Variants in MZF1 observed in about 807,000 individuals in gnomAD.
The protein encoded by MZF1 is zinc finger and SCAN domain-containing protein 6.
A neutral mutation model predicts 28.6 loss-of-function variants in MZF1; 24 were observed. The observed-to-expected ratio is 0.84, with a 90% CI of 0.61 to 1.18. MZF1 has a LOEUF of 1.18. MZF1 is among the 50% of genes most tolerant of loss of function. The probability of loss-of-function intolerance (pLI) is 0.00; values close to 1 mark genes in which losing one functional copy is unlikely to be tolerated. For synonymous variants in MZF1, 516 were observed against 432.5 expected, an observed-to-expected ratio of 1.19 and a Z score of -2.40; for missense variants, 1,166 against 1,026.4, an observed-to-expected ratio of 1.14 and a Z score of -1.86.
rs554401714 is a variant in MZF1 at position 58,564,726 on chromosome 19, C to T, written c.773-1222G>A. Reference sequence around the variant, plus strand: ...GTACTTCTTCAACAGTTGTGTTCCTCCTTGTACTAAGTGACCTACATACAA... The same window carrying T: ...GTACTTCTTCAACAGTTGTGTTCCTTCTTGTACTAAGTGACCTACATACAA... On this transcript the variant is annotated intron_variant, in intron 5 of 5. Coordinates refer to ENST00000215057, the MANE Select transcript of MZF1 (RefSeq NM_198055.2). 6 of 152,218 alleles carry T rather than the reference C, an allele frequency of 3.9e-5. No homozygotes were observed. The South Asian group carries it at 1.2e-3, about 32-fold the overall frequency. 9.4% of individuals were successfully genotyped at this position (152,218 alleles called of 1,614,324 possible).
In MZF1 at chr19:58,562,014, A is replaced by C; in HGVS notation, c.*58T>G. The C allele has an allele frequency of 6.7e-7, 1 of 1,502,164 alleles. No homozygotes were observed. The highest frequency in any genetic ancestry group is 2.0e-4 in the Middle Eastern group (1 of 4,886). The allele number at this position is 1,502,164 out of a possible 1,614,324, so 93.1% of individuals were successfully genotyped here. On this transcript the variant is annotated 3_prime_UTR_variant, in exon 6 of 6. Coordinates refer to ENST00000215057, the MANE Select transcript of MZF1 (RefSeq NM_198055.2). ...ATACTTATGTAATCGCCAGCCTCAC[A>C]ATAACCAGGGGAGGTAGGTGTTCTG...
chr19:58,571,611 C>G (rs571677243), intron 1 of MZF1, 182 bp from the exon 2 acceptor site: 1 of 593,372 alleles, frequency 1.7e-6, no homozygotes, highest in Non-Finnish European at 2.9e-6. Context: ...CCTTAGCCAC[C>G]TGTATCCCTG....
At position 58,570,513 on chromosome 19, in the gene MZF1, C is replaced by T. The variant is rs1044520183; in HGVS notation, c.411G>A (p.Val137=). The part of the protein sequence containing the change: ...GGPRRWVTVQ[V]QGQEVLSEKM... ...TCTCTGATAGGACCTCCTGGCCCTG[C>T]ACCTGGACTGTGACCTGGGGAGGTG... Residue 137 remains valine (V), a synonymous_variant, in exon 3 of 6, where the codon GTG becomes GTA. Transcript: ENST00000215057. 1 of 1,612,704 alleles carries T rather than the reference C, an allele frequency of 6.2e-7. No homozygotes were observed. The highest frequency in any genetic ancestry group is 8.5e-7 in the Non-Finnish European group (1 of 1,179,258).
intron 1 of MZF1, chr19:58,572,442 G>T: frequency 1.2e-6 from 1 of 852,904 alleles, no homozygotes; most frequent in Non-Finnish European, 1.7e-6. Flanking sequence ...AAGGCTCCAA[G>T]ACTGCCGGAA....
At chr19:58,569,097 C>G (rs1600106273) in intron 5 of MZF1, 180 bp downstream of exon 5, 2 of 785,496 alleles carry the variant, frequency 2.5e-6, no homozygotes. Context: ...TGGTGGGTGG[C>G]TTTTTTTGAG....
chr19:58,565,811 CGTGACGTGCCG>C, intron 5 of MZF1, among the ~76,000 whole-genome samples: 1 of 143,508 alleles, frequency 7.0e-6, no homozygotes, highest in African/African-American at 2.6e-5. Context: ...GGATTACAGG[CGTGACGTGCCG>C]CGCCGGGCCC....
rs2053932940 is a variant in MZF1 at position 58,561,973 on chromosome 19, C to T, written c.*99G>A. The T allele has an allele frequency of 4.7e-6, 6 of 1,286,048 alleles. No individual in the cohort carries two copies. Among genetic ancestry groups the T allele is most frequent in the Non-Finnish European group, 6.4e-6 (6 of 943,736 alleles). The allele number at this position is 1,286,048 out of a possible 1,614,324, so 79.7% of individuals were successfully genotyped here. A position where few individuals can be genotyped will look rare whatever the true frequency, so the allele number is the denominator to read the frequency against. On this transcript the variant is annotated 3_prime_UTR_variant, in exon 6 of 6. Coordinates refer to ENST00000215057, the MANE Select transcript of MZF1 (RefSeq NM_198055.2). ...ATTGGACACCTACAGTAGCCAAGCC[C>T]TGGGCGGACCTGCTTATACTTATGT...
Position 58,565,996 on chromosome 19 carries a change from C to A in MZF1, c.773-2492G>T, listed in dbSNP as rs537107371. Among the ~76,000 whole-genome samples, 36 of 151,244 alleles carry A rather than the reference C, an allele frequency of 2.4e-4. No individual in the cohort carries two copies. The East Asian group carries it at 5.5e-3, about 23-fold the overall frequency. On this transcript the variant is annotated intron_variant, in intron 5 of 5. Transcript: ENST00000215057. The stretch of plus-strand genomic sequence containing the variant: ...TCTACTAAAAATACAAAATATTTAG[C>A]CAGGCGTGGTGGCCGGCGCCTGTAG...
In MZF1 at chr19:58,562,414, G is replaced by A. The variant is rs767451587; in HGVS notation, c.1863C>T (p.Gly621=). The stretch of plus-strand genomic sequence containing the variant: ...ACTCACCGCAGTGGTAGGGCTTTTC[G>A]CCGGTGTGTGTCCTCTGATGACGCG... ...KLTRHQRTHT[G]EKPYHCGECG... Residue 621 remains glycine, a synonymous_variant, in exon 6 of 6, where the codon GGC becomes GGT. Transcript: ENST00000215057. The A allele has an allele frequency of 2.0e-5, 33 of 1,609,778 alleles. No homozygotes were observed. The highest frequency in any genetic ancestry group is 2.8e-5 in the Non-Finnish European group (33 of 1,178,462).
chr19:58,569,298 C>T lies in MZF1; in HGVS notation c.751G>A (p.Ala251Thr). 1 of 1,607,640 alleles carries T rather than the reference C, an allele frequency of 6.2e-7. No individual in the cohort carries two copies. The highest frequency in any genetic ancestry group is 8.5e-7 in the Non-Finnish European group (1 of 1,177,302). Residue 251 changes from alanine to threonine, a missense_variant, in exon 5 of 6, where the codon GCT (alanine) becomes ACT (threonine). Coordinates refer to ENST00000215057, the MANE Select transcript of MZF1 (RefSeq NM_198055.2). The stretch of plus-strand genomic sequence containing the variant: ...TTACCTGGGGAGAAGATGCCCCCAG[C>T]TTCCTCATGCCACAGGGCCCTGGGG... Reference protein sequence around the residue: ...EHPRALWHEEAGGIFSPGFAL... With the variant: ...EHPRALWHEETGGIFSPGFAL...
chr19:58,563,211 C>A lies in MZF1; in HGVS notation c.1066G>T (p.Gly356Cys), dbSNP rs772677631. 1 of 1,611,078 alleles carries A rather than the reference C, an allele frequency of 6.2e-7. No homozygotes were observed. The highest frequency in any genetic ancestry group is 8.5e-7 in the Non-Finnish European group (1 of 1,179,332). ...PSTGGGVVRG[G>C]RCDVCGKVFS... Reference sequence around the variant, plus strand: ...ACCTTGCCACATACATCGCAACGGCCGCCCCTAACCACCCCGCCCCCAGTG... The same window carrying A: ...ACCTTGCCACATACATCGCAACGGCAGCCCCTAACCACCCCGCCCCCAGTG... The change falls in exon 6 of 6, where the codon GGC (glycine) becomes TGC (cysteine). Residue 356 changes from glycine to cysteine, a missense_variant. Physicochemically the swap from Gly to Cys is radical, Grantham distance 159. Coordinates refer to ENST00000215057, the MANE Select transcript of MZF1 (RefSeq NM_198055.2).
chr19:58,563,643 A>G (rs1455588763), intron 5 of MZF1, 139 bp from the exon 6 acceptor site: 2 of 659,432 alleles, frequency 3.0e-6, no homozygotes, highest in Non-Finnish European at 5.1e-6. Context: ...ATGCAGGGGT[A>G]GGGATTCTAT....
rs1253286923 is a variant in MZF1, at chr19:58,564,900, G to GTT, written c.773-1397_773-1396insAA. Among the ~76,000 whole-genome samples the GTT allele has an allele frequency of 4.0e-4, 28 of 69,378 alleles. 2 individuals carry two copies. Among genetic ancestry groups the GTT allele is most frequent in the African/African-American group, 1.4e-3 (20 of 13,856 alleles). 45.5% of individuals were successfully genotyped at this position (69,378 alleles called of 152,430 possible). ...GGGTGGAGAATAAGCATCCATGTGT[G>GTT]TGTTTTTTTTTTTTTTTTTTTTTTT... On this transcript the variant is annotated intron_variant, in intron 5 of 5. Transcript: ENST00000215057.
At chr19:58,565,968 G>A (rs2054047627) in intron 5 of MZF1, among the ~76,000 whole-genome samples, 1 of 150,360 alleles carries the variant, frequency 6.7e-6, no homozygotes, top group South Asian at 2.1e-4. Flanking sequence ...GCGAAACCCC[G>A]TCTCTACTAA....
intron 5 of MZF1, chr19:58,564,190 A>G (rs896117043): frequency 6.6e-6 from 1 of 152,272 alleles, no homozygotes; most frequent in African/African-American, 2.4e-5. Flanking sequence ...AGGAGGTTAA[A>G]TCAAGAAGAC....
chr19:58,567,005 T>C (rs2054070981), intron 5 of MZF1, among the ~76,000 whole-genome samples: 1 of 151,510 alleles, frequency 6.6e-6, no homozygotes, highest in South Asian at 2.1e-4. Flanking sequence ...CTGGCTTGGG[T>C]GATTCTCCCA....
At position 58,561,945 on chromosome 19, in the gene MZF1, T is replaced by G; in HGVS notation, c.*127A>C. 4 of 962,312 alleles carry G rather than the reference T, an allele frequency of 4.2e-6. No homozygotes were observed. The highest frequency in any genetic ancestry group is 1.7e-5 in the South Asian group (1 of 60,556). 59.6% of individuals were successfully genotyped at this position (962,312 alleles called of 1,614,324 possible). A position where few individuals can be genotyped will look rare whatever the true frequency, so the allele number is the denominator to read the frequency against. Reference sequence around the variant, plus strand: ...GTGGAGACCCAGTTTCCATCTACTGTTTATTGGACACCTACAGTAGCCAAG... The same window carrying G: ...GTGGAGACCCAGTTTCCATCTACTGGTTATTGGACACCTACAGTAGCCAAG... On this transcript the variant is annotated 3_prime_UTR_variant, in exon 6 of 6. Transcript: ENST00000215057.
rs781647436 is a variant in MZF1 at position 58,563,320 on chromosome 19, G to A, written c.957C>T (p.Asp319=). 5 of 1,608,864 alleles carry A rather than the reference G, an allele frequency of 3.1e-6. No homozygotes were observed. In the South Asian group the frequency reaches 4.4e-5, roughly 14 times the overall value. ...SDLRSEQDPT[D]EDPCRGVGPA... is the part of the protein sequence containing the mutation. ...GGCCCACACCCCGGCAGGGATCCTC[G>A]TCCGTGGGGTCCTGTTCACTCCTCA... The change falls in exon 6 of 6, where the codon GAC becomes GAT. Residue 319 remains aspartate, a synonymous_variant. Transcript: ENST00000215057.
At chr19:58,569,094 T>A in intron 5 of MZF1, 183 bp downstream of exon 5, 1 of 689,712 alleles carries the variant, frequency 1.4e-6, no homozygotes, top group Non-Finnish European at 2.2e-6. Flanking sequence ...TAGTGGTGGG[T>A]GGCTTTTTTT....
Sources: gnomAD v4.1 joint callset for allele counts (sites outside exome capture counted in the v4.1 genomes callset) on GRCh38, gnomAD v4.1.1 for gene constraint, MANE v1.5 for transcripts, NCBI Gene and HGNC (gene_info 2026-07-23, HGNC 2026-07-21) for gene names.